Variants in ERC2 observed in about 807,000 individuals in gnomAD.
The protein encoded by ERC2 is ERC protein 2.
Under a neutral mutation model 114.8 loss-of-function variants are expected in ERC2, and 42 were observed. That is an observed-to-expected ratio of 0.37 (90% CI 0.29 to 0.47). The LOEUF (loss-of-function observed/expected upper bound fraction) is 0.47, where lower values mean the gene tolerates loss of function less well. Among genes scored for constraint, ERC2 ranks in the 20% least tolerant of loss-of-function variants. The pLI is 0.99. For missense variants in ERC2, 939 were observed against 1,150.7 expected (o/e 0.82, Z 2.66); for synonymous variants, 454 against 425.5 (o/e 1.07, Z -0.82).
At chr3:56,464,924 G>T (rs1247244400) in intron 1 of ERC2, among the ~76,000 whole-genome samples, 1 of 150,996 alleles carries the variant, frequency 6.6e-6, no homozygotes, top group Non-Finnish European at 1.5e-5. Flanking sequence ...AGTAAAACAA[G>T]CAAATGCAGA....
At chr3:55,593,786 T>C (rs541243155) in intron 17 of ERC2, among the ~76,000 whole-genome samples, 2 of 152,272 alleles carry the variant, frequency 1.3e-5, no homozygotes, top group Non-Finnish European at 2.9e-5. Flanking sequence ...TCTGGCTCCC[T>C]CCTCTTGGTC....
At chr3:56,198,965 A>G (rs769931905) in intron 3 of ERC2, among the ~76,000 whole-genome samples, 34 of 152,340 alleles carry the variant, frequency 2.2e-4, no homozygotes, top group Admixed American at 3.9e-4. Flanking sequence ...AAACCACCTA[A>G]TGCCTAGGTG....
intron 15 of ERC2, among the ~76,000 whole-genome samples, chr3:55,726,903 C>T (rs1015141771): frequency 6.6e-6 from 1 of 152,164 alleles, no homozygotes; most frequent in Non-Finnish European, 1.5e-5. Context: ...TACAATTTAT[C>T]TCTGATCTCA....
intron 12 of ERC2, among the ~76,000 whole-genome samples, chr3:55,952,016 A>T (rs927620750): frequency 5.3e-5 from 8 of 151,354 alleles, no homozygotes; most frequent in African/African-American, 1.9e-4. Context: ...TAATAAAAAC[A>T]GTCCGAGGGT....
rs952706924 is a variant in ERC2, at chr3:56,173,607, G to T, written c.1075-87C>A. 5 of 1,252,746 alleles carry T rather than the reference G, an allele frequency of 4.0e-6. No individual in the cohort carries two copies. In the African/African-American group the frequency reaches 4.5e-5, roughly 11 times the overall value. The allele number at this position is 1,252,746 out of a possible 1,614,324, so 77.6% of individuals were successfully genotyped here. On this transcript the variant is annotated intron_variant, in intron 3 of 17. Coordinates refer to ENST00000288221, the MANE Select transcript of ERC2 (RefSeq NM_015576.3). ...TACACAGGTACTACACAGCCTGCTG[G>T]GTCCTGGTTCCCCTTGCACAGACAT...
At chr3:56,431,597 A>C (rs1256274205) in intron 2 of ERC2, among the ~76,000 whole-genome samples, 1 of 152,176 alleles carries the variant, frequency 6.6e-6, no homozygotes, top group Non-Finnish European at 1.5e-5. Context: ...ACTGCAGCAA[A>C]ACTTACCCTA....
At chr3:56,105,157 G>A (rs763233380) in intron 6 of ERC2, among the ~76,000 whole-genome samples, 106 of 152,102 alleles carry the variant, frequency 7.0e-4, no homozygotes, top group Non-Finnish European at 2.5e-4. Flanking sequence ...GAGGCCACAG[G>A]GTTGGAATGG....
intron 8 of ERC2, among the ~76,000 whole-genome samples, chr3:56,011,328 CA>C (rs1172282158): frequency 2.0e-5 from 3 of 152,178 alleles, no homozygotes; most frequent in Non-Finnish European, 4.4e-5. Context: ...GCCCTCATCA[CA>C]AGCGCAAGGG....
At chr3:55,676,440 G>GCTTCTT (rs2061814780) in intron 17 of ERC2, among the ~76,000 whole-genome samples, 1 of 99,370 alleles carries the variant, frequency 1.0e-5, no homozygotes, top group African/African-American at 4.6e-5. Context: ...TTACTGAGCT[G>GCTTCTT]CTTATTATTA....
chr3:56,106,810 A>G (rs1040419919), intron 6 of ERC2, among the ~76,000 whole-genome samples: 2 of 152,192 alleles, frequency 1.3e-5, no homozygotes, highest in African/African-American at 4.8e-5. Context: ...CAGTTAGTTT[A>G]AGAAGAAAAG....
intron 14 of ERC2, among the ~76,000 whole-genome samples, chr3:55,858,803 T>C (rs1297656347): frequency 6.6e-6 from 1 of 152,186 alleles, no homozygotes; most frequent in Non-Finnish European, 1.5e-5. Flanking sequence ...CACCACTCTC[T>C]GCTTTAGAGC....
chr3:55,995,748 G>T (rs1330522255), intron 10 of ERC2, among the ~76,000 whole-genome samples: 1 of 152,176 alleles, frequency 6.6e-6, no homozygotes, highest in Non-Finnish European at 1.5e-5. Flanking sequence ...CAACTTTTCA[G>T]AGGATGGGCT....
At chr3:55,753,805 T>C (rs145459679) in intron 14 of ERC2, among the ~76,000 whole-genome samples, 1,958 of 152,338 alleles carry the variant, frequency 0.013, 23 homozygotes, top group Middle Eastern at 0.031. Flanking sequence ...ACTTAAACAA[T>C]GATCAGTTTT....
At chr3:56,134,288 T>A (rs1474574470) in intron 6 of ERC2, among the ~76,000 whole-genome samples, 1 of 152,184 alleles carries the variant, frequency 6.6e-6, no homozygotes, top group Non-Finnish European at 1.5e-5. Context: ...TTATTAGTAA[T>A]CAATGATAAT....
At chr3:56,112,715 G>A (rs2079028583) in intron 6 of ERC2, among the ~76,000 whole-genome samples, 1 of 152,090 alleles carries the variant, frequency 6.6e-6, no homozygotes, top group South Asian at 2.1e-4. Context: ...GAGAAAACCA[G>A]GAGGGATGGT....
At chr3:55,539,616 A>G (rs1403978949) in intron 17 of ERC2, among the ~76,000 whole-genome samples, 2 of 150,028 alleles carry the variant, frequency 1.3e-5, no homozygotes, top group African/African-American at 4.9e-5. Flanking sequence ...TTTAGTAGAG[A>G]CAGGGTTTCA....
chr3:56,081,440 A>T (rs1007099431), intron 6 of ERC2, among the ~76,000 whole-genome samples: 12 of 152,096 alleles, frequency 7.9e-5, no homozygotes, highest in African/African-American at 2.9e-4. Flanking sequence ...GTAGAGAAAC[A>T]CTCCTAAATT....
At chr3:56,287,074 C>A (rs537591533) in intron 3 of ERC2, among the ~76,000 whole-genome samples, 1 of 152,326 alleles carries the variant, frequency 6.6e-6, no homozygotes, top group African/African-American at 2.4e-5. Flanking sequence ...ACATGCCTAA[C>A]TGGAAACCCA....
intron 15 of ERC2, among the ~76,000 whole-genome samples, chr3:55,726,682 T>A (rs1487843819): frequency 1.3e-5 from 2 of 152,216 alleles, no homozygotes; most frequent in East Asian, 3.8e-4. Context: ...TCTACCTAAA[T>A]AGATTACATT....
Sources: gnomAD v4.1 joint callset for allele counts (sites outside exome capture counted in the v4.1 genomes callset) on GRCh38, gnomAD v4.1.1 for gene constraint, MANE v1.5 for transcripts, NCBI Gene and HGNC (gene_info 2026-07-23, HGNC 2026-07-21) for gene names.